NMNAT2: variants seen among roughly 807,000 people sequenced by gnomAD.
NMNAT2 encodes nicotinamide/nicotinic acid mononucleotide adenylyltransferase 2.
A neutral mutation model predicts 41.6 loss-of-function variants in NMNAT2; 11 were observed. The observed-to-expected ratio is 0.26, with a 90% CI of 0.17 to 0.44. The LOEUF is 0.44. Among genes scored for constraint, NMNAT2 ranks in the 20% least tolerant of loss-of-function variants. NMNAT2 has a pLI of 1.00. For missense variants in NMNAT2, 288 were observed against 407.7 expected, an observed-to-expected ratio of 0.71 and a Z score of 2.53; for synonymous variants, 148 against 151.2, an observed-to-expected ratio of 0.98 and a Z score of 0.16.
intron 1 of NMNAT2, among the ~76,000 whole-genome samples, chr1:183,312,178 C>T (rs1662138079): frequency 6.6e-6 from 1 of 151,970 alleles, no homozygotes. Context: ...AATTTATAAG[C>T]ATACTATGAA....
chr1:183,410,100 G>A (rs1301183085), intron 1 of NMNAT2, among the ~76,000 whole-genome samples: 1 of 151,490 alleles, frequency 6.6e-6, no homozygotes, highest in East Asian at 1.9e-4. Context: ...CCTGAGGTCA[G>A]GAGTTCAAGA....
intron 1 of NMNAT2, among the ~76,000 whole-genome samples, chr1:183,340,970 CTGA>C (rs1438140994): frequency 6.6e-6 from 1 of 152,198 alleles, no homozygotes; most frequent in African/African-American, 2.4e-5. Context: ...TCATTAGATC[CTGA>C]TGATGAGCTG....
At chr1:183,279,216 C>T (rs1211494359) in intron 7 of NMNAT2, among the ~76,000 whole-genome samples, 1 of 152,218 alleles carries the variant, frequency 6.6e-6, no homozygotes. Flanking sequence ...CCATACTTTT[C>T]CTGGCACCCA....
At chr1:183,345,631 C>T (rs1386080552) in intron 1 of NMNAT2, among the ~76,000 whole-genome samples, 111 of 152,072 alleles carry the variant, frequency 7.3e-4, no homozygotes, top group Non-Finnish European at 1.2e-4. Context: ...TTGTCAGATG[C>T]GGCCCCTCGA....
chr1:183,391,919 G>A (rs1436139835), intron 1 of NMNAT2, among the ~76,000 whole-genome samples: 1 of 152,064 alleles, frequency 6.6e-6, no homozygotes, highest in African/African-American at 2.4e-5. Flanking sequence ...TGTTAGCATT[G>A]CTGCCTCTTC....
chr1:183,371,928 C>T (rs545303020), intron 1 of NMNAT2, among the ~76,000 whole-genome samples: 8 of 152,210 alleles, frequency 5.3e-5, no homozygotes, highest in African/African-American at 1.9e-4. Flanking sequence ...CACAGGCGTG[C>T]ACCACCACAG....
intron 10 of NMNAT2, among the ~76,000 whole-genome samples, chr1:183,253,681 T>A (rs1660448682): frequency 6.6e-6 from 1 of 152,226 alleles, no homozygotes; most frequent in Non-Finnish European, 1.5e-5. Flanking sequence ...CTGCTTTGTA[T>A]CCTTTGATCT....
chr1:183,356,957 C>A (rs1311453708), intron 1 of NMNAT2, among the ~76,000 whole-genome samples: 1 of 152,098 alleles, frequency 6.6e-6, no homozygotes, highest in African/African-American at 2.4e-5. Flanking sequence ...AATTCACAGC[C>A]AATATTTAAG....
At chr1:183,294,341 T>C (rs993879564) in intron 1 of NMNAT2, among the ~76,000 whole-genome samples, 1 of 152,202 alleles carries the variant, frequency 6.6e-6, no homozygotes, top group Admixed American at 6.5e-5. Flanking sequence ...ACGAAAAATT[T>C]GGCCAGATAA....
chr1:183,289,065 T>C (rs1175817049), intron 4 of NMNAT2, among the ~76,000 whole-genome samples: 1 of 152,130 alleles, frequency 6.6e-6, no homozygotes, highest in Non-Finnish European at 1.5e-5. Context: ...CCACATCTGT[T>C]AAAATAAAGC....
intron 1 of NMNAT2, among the ~76,000 whole-genome samples, chr1:183,317,576 C>T (rs971129699): frequency 1.3e-5 from 2 of 152,168 alleles, no homozygotes; most frequent in Non-Finnish European, 2.9e-5. Flanking sequence ...CTGGCCTTGA[C>T]CCATGGATTT....
intron 1 of NMNAT2, among the ~76,000 whole-genome samples, chr1:183,294,999 TTTTC>T (rs1168576284): frequency 2.0e-5 from 3 of 152,174 alleles, no homozygotes; most frequent in African/African-American, 4.8e-5. Flanking sequence ...ATTTGCTTCT[TTTTC>T]TTTCTTTCTT....
Position 183,394,943 on chromosome 1 carries a change from G to A in NMNAT2, c.85+23240C>T, listed in dbSNP as rs938879798. Reference sequence around the variant, plus strand: ...TCCACATGTCTGCAGGCCTCTCAGAGATCCAGCCAGCCCACAATATCCCCG... The same window carrying A: ...TCCACATGTCTGCAGGCCTCTCAGAAATCCAGCCAGCCCACAATATCCCCG... On this transcript the variant is annotated intron_variant, in intron 1 of 10. Coordinates refer to ENST00000287713, the MANE Select transcript of NMNAT2 (RefSeq NM_015039.4). Among the ~76,000 whole-genome samples, 3 of 152,262 alleles carry A rather than the reference G, an allele frequency of 2.0e-5. No individual in the cohort carries two copies. In the South Asian group the frequency reaches 6.2e-4, roughly 32 times the overall value.
At chr1:183,254,261 T>C (rs1299395722) in intron 10 of NMNAT2, among the ~76,000 whole-genome samples, 1 of 152,230 alleles carries the variant, frequency 6.6e-6, no homozygotes, top group East Asian at 1.9e-4. Flanking sequence ...ATCTCTTATC[T>C]TTTTGATAAT....
intron 1 of NMNAT2, among the ~76,000 whole-genome samples, chr1:183,345,457 T>C (rs1662906453): frequency 6.6e-6 from 1 of 152,058 alleles, no homozygotes; most frequent in South Asian, 2.1e-4. Context: ...ATTCCTGGAT[T>C]AGGGGATTAG....
intron 10 of NMNAT2, 122 bp downstream of exon 10, chr1:183,260,880 A>G: frequency 1.3e-6 from 1 of 779,454 alleles, no homozygotes; most frequent in Non-Finnish European, 2.3e-6. Flanking sequence ...CCAAACAGGA[A>G]GCTAAACACC....
At chr1:183,260,018 G>A (rs1202083630) in intron 10 of NMNAT2, among the ~76,000 whole-genome samples, 1 of 152,194 alleles carries the variant, frequency 6.6e-6, no homozygotes, top group Non-Finnish European at 1.5e-5. Context: ...TTGGGTTTGT[G>A]GTAGAAACTG....
At chr1:183,370,832 C>A (rs1053978585) in intron 1 of NMNAT2, among the ~76,000 whole-genome samples, 2 of 152,220 alleles carry the variant, frequency 1.3e-5, no homozygotes, top group Non-Finnish European at 2.9e-5. Flanking sequence ...AACTTCTGTC[C>A]CTTGACTGGC....
chr1:183,262,391 T>C (rs1211593201), intron 8 of NMNAT2, among the ~76,000 whole-genome samples: 1 of 152,198 alleles, frequency 6.6e-6, no homozygotes, highest in Non-Finnish European at 1.5e-5. Flanking sequence ...TAGTTTTTTC[T>C]CTCTGCAAAT....
Sources: gnomAD v4.1 joint callset for allele counts (sites outside exome capture counted in the v4.1 genomes callset) on GRCh38, gnomAD v4.1.1 for gene constraint, MANE v1.5 for transcripts, NCBI Gene and HGNC (gene_info 2026-07-23, HGNC 2026-07-21) for gene names.